PHF21B: variants seen among roughly 807,000 people sequenced by gnomAD.
The protein encoded by PHF21B is PHD finger protein 4.
A neutral mutation model predicts 62.2 loss-of-function variants in PHF21B; 22 were observed. The observed-to-expected ratio is 0.35, with a 90% CI of 0.25 to 0.51. The LOEUF (loss-of-function observed/expected upper bound fraction) is 0.51. Ranked by LOEUF, PHF21B falls within the 20% of genes least tolerant of loss-of-function variation. PHF21B has a pLI of 0.97. For synonymous variants in PHF21B, 341 were observed against 314.7 expected (o/e 1.08, Z -0.88); for missense variants, 701 against 707.9 (o/e 0.99, Z 0.11).
intron 2 of PHF21B, among the ~76,000 whole-genome samples, chr22:44,950,644 C>T (rs2072174694): frequency 2.0e-5 from 3 of 151,852 alleles, no homozygotes; most frequent in South Asian, 4.2e-4. Flanking sequence ...CTCCATGTGG[C>T]GAAGCGGTTT....
intron 2 of PHF21B, among the ~76,000 whole-genome samples, chr22:44,991,639 G>A (rs2073043855): frequency 6.6e-6 from 1 of 152,188 alleles, no homozygotes; most frequent in Non-Finnish European, 1.5e-5. Context: ...CAGAGCTCGG[G>A]GGACCCTGGG....
At chr22:44,933,561 G>A (rs913734461) in intron 2 of PHF21B, 24 of 983,868 alleles carry the variant, frequency 2.4e-5, no homozygotes, top group East Asian at 1.1e-4. Context: ...CGTGCTGCCC[G>A]CAACTCAACG....
At chr22:44,889,274 T>A (rs1410556556) in intron 9 of PHF21B, among the ~76,000 whole-genome samples, 1 of 49,132 alleles carries the variant, frequency 2.0e-5, no homozygotes, top group Non-Finnish European at 4.1e-5. Context: ...TGTGCACGGG[T>A]AGGGGGTAGG....
intron 2 of PHF21B, 64 bp from the exon 3 acceptor site, chr22:44,920,554 C>G: frequency 7.7e-7 from 1 of 1,302,118 alleles, no homozygotes; most frequent in South Asian, 1.4e-5. Context: ...CCGTTGCCCC[C>G]AGCCTGGCCA....
intron 2 of PHF21B, among the ~76,000 whole-genome samples, chr22:44,957,993 C>T (rs1221367613): frequency 6.6e-6 from 1 of 151,960 alleles, no homozygotes; most frequent in Non-Finnish European, 1.5e-5. Context: ...ACCTCCACCT[C>T]CCAGGTTCAA....
intron 2 of PHF21B, among the ~76,000 whole-genome samples, chr22:44,976,370 T>G (rs939724658): frequency 6.6e-6 from 1 of 152,202 alleles, no homozygotes; most frequent in Non-Finnish European, 1.5e-5. Flanking sequence ...AATACCATAT[T>G]GTTAGCACAA....
intron 2 of PHF21B, among the ~76,000 whole-genome samples, chr22:44,974,580 G>A (rs2072702321): frequency 6.6e-6 from 1 of 152,142 alleles, no homozygotes. Flanking sequence ...TTTAACACTA[G>A]GCAAATCCAC....
intron 5 of PHF21B, among the ~76,000 whole-genome samples, chr22:44,906,239 CAG>C (rs541853723): frequency 2.4e-3 from 367 of 152,298 alleles, no homozygotes; most frequent in African/African-American, 8.4e-3. Context: ...CACGTGAACC[CAG>C]AGTCTTCCTG....
intron 2 of PHF21B, among the ~76,000 whole-genome samples, chr22:44,984,815 G>A (rs9626599): frequency 0.021 from 3,232 of 152,192 alleles, 106 homozygotes; most frequent in African/African-American, 0.072. Flanking sequence ...GGCATTTCCC[G>A]CTGGTGGCCA....
intron 2 of PHF21B, among the ~76,000 whole-genome samples, chr22:45,007,232 A>T (rs751067150): frequency 6.8e-4 from 3 of 4,442 alleles, no homozygotes; most frequent in African/African-American, 1.6e-3. Flanking sequence ...GGCCCCCCCC[A>T]AAACCCGCCA....
intron 2 of PHF21B, among the ~76,000 whole-genome samples, chr22:45,007,933 C>T (rs948801934): frequency 3.3e-5 from 5 of 151,872 alleles, no homozygotes; most frequent in Non-Finnish European, 7.4e-5. Context: ...GTCGCGCCTC[C>T]GACGCGTGGG....
intron 7 of PHF21B, among the ~76,000 whole-genome samples, chr22:44,893,051 A>C (rs1423462932): frequency 6.6e-6 from 1 of 151,830 alleles, no homozygotes; most frequent in Non-Finnish European, 1.5e-5. Context: ...GGCTGTGCAC[A>C]TCCTCAGTCT....
At chr22:44,930,629 C>T (rs1300346145) in intron 2 of PHF21B, among the ~76,000 whole-genome samples, 1 of 152,180 alleles carries the variant, frequency 6.6e-6, no homozygotes, top group African/African-American at 2.4e-5. Context: ...GAGGCTACAG[C>T]TCCCAAAGGT....
At chr22:45,005,674 A>G (rs1237368384) in intron 2 of PHF21B, among the ~76,000 whole-genome samples, 2 of 152,222 alleles carry the variant, frequency 1.3e-5, no homozygotes, top group East Asian at 1.9e-4. Flanking sequence ...GACCTGGATA[A>G]CGGGGTCATC....
chr22:44,990,898 GA>G (rs1441855107), intron 2 of PHF21B, among the ~76,000 whole-genome samples: 1 of 152,166 alleles, frequency 6.6e-6, no homozygotes. Context: ...TGTGACCGAG[GA>G]AAAAAGGCAG....
At chr22:45,005,298 A>G (rs1444123113) in intron 2 of PHF21B, among the ~76,000 whole-genome samples, 2 of 152,252 alleles carry the variant, frequency 1.3e-5, no homozygotes, top group Non-Finnish European at 2.9e-5. Flanking sequence ...ACACCTGGGA[A>G]GGCAGCTTAG....
Position 44,916,372 on chromosome 22 carries a change from TG to T in PHF21B, c.471del (p.Ser158AlafsTer126). The T allele has an allele frequency of 1.3e-6, 2 of 1,592,004 alleles. No individual in the cohort carries two copies. On this transcript the variant is annotated frameshift_variant, in exon 4 of 13. Transcript: ENST00000313237. LOFTEE classifies it high-confidence loss of function. ...CTGGGGGCCATGGCGGCGGCATTGC[TG>T]GGGGAGGTGGAGATGATGGCGTAGG... ...GVAYAIISTS[P>X]SNAAAMAPST... is the part of the protein sequence containing the mutation.
intron 5 of PHF21B, among the ~76,000 whole-genome samples, chr22:44,908,466 C>T (rs112124760): frequency 1.5e-3 from 236 of 152,302 alleles, no homozygotes; most frequent in African/African-American, 5.2e-3. Flanking sequence ...ATGGGTCACT[C>T]TGGGACACTG....
intron 5 of PHF21B, among the ~76,000 whole-genome samples, chr22:44,897,198 G>C (rs1601576484): frequency 6.6e-6 from 1 of 152,010 alleles, no homozygotes. Flanking sequence ...TTGTGAAAAG[G>C]TCATGACACT....
Sources: allele counts gnomAD v4.1 joint callset (sites outside exome capture counted in the v4.1 genomes callset), GRCh38; gene constraint gnomAD v4.1.1; transcripts MANE v1.5; gene names NCBI Gene and HGNC (gene_info 2026-07-23, HGNC 2026-07-21).